Variants in EXO1 observed in about 807,000 individuals in gnomAD.
EXO1 encodes the protein exonuclease 1.
A neutral mutation model predicts 84.5 loss-of-function variants in EXO1; 69 were observed. The ratio of observed to expected loss-of-function variants is 0.82; its 90% confidence interval spans 0.67 to 1.00. The LOEUF is 1.00. EXO1 is among the 50% of genes least tolerant of loss of function. EXO1 has a pLI of 0.00. For synonymous variants in EXO1, 373 were observed against 366.1 expected (o/e 1.02, Z -0.21); for missense variants, 1,045 against 1,000.7 (o/e 1.04, Z -0.60).
At chr1:241,875,766 T>C (rs765137209) in intron 12 of EXO1, among the ~76,000 whole-genome samples, 1 of 152,136 alleles carries the variant, frequency 6.6e-6, no homozygotes, top group Non-Finnish European at 1.5e-5. Flanking sequence ...TAGTCCCAGC[T>C]GTTTGGGAGG....
In EXO1 at chr1:241,857,436, C is replaced by G. The variant is rs1431401922; in HGVS notation, c.497C>G (p.Ala166Gly). The change falls in exon 7 of 16, where the codon GCC becomes GGC. Residue 166 changes from alanine to glycine, a missense_variant. Coordinates refer to ENST00000366548, the MANE Select transcript of EXO1 (RefSeq NM_130398.4). ...AYLNKAGIVQ[A>G]IITEDSDLLA... ...CTTAACAAAGCGGGAATTGTGCAAG[C>G]CATAATTACAGAGGACTCGGATCTC... 6.2e-7 allele frequency: 1 copy of G among 1,613,736 alleles called. No homozygotes were observed. The highest frequency in any genetic ancestry group is 8.5e-7 in the Non-Finnish European group (1 of 1,179,904).
At chr1:241,857,571 T>C (rs945834542) in intron 7 of EXO1, 89 bp downstream of exon 7, 16 of 574,866 alleles carry the variant, frequency 2.8e-5, no homozygotes, top group Admixed American at 1.4e-4. Context: ...CAGGAAATTA[T>C]GATAATTTAT....
At position 241,885,637 on chromosome 1, in the gene EXO1, T is replaced by C. The variant is rs553542221; in HGVS notation, c.2405+130T>C. 8.7e-5 allele frequency: 67 copies of C among 771,378 alleles called. 1 individual carries two copies. In the African/African-American group the frequency reaches 1.1e-3, roughly 12 times the overall value. 47.8% of individuals were successfully genotyped at this position (771,378 alleles called of 1,614,324 possible). On this transcript the variant is annotated intron_variant, in intron 15 of 15. Transcript: ENST00000366548. ...TCTCACTATAAAATAATTATTTTTCTCTCTTCCCTTTAGCTAACTCTTTAT... is the reference window on the plus strand; with the variant it reads ...TCTCACTATAAAATAATTATTTTTCCCTCTTCCCTTTAGCTAACTCTTTAT...
At chr1:241,883,918 AT>A (rs1300089040) in intron 14 of EXO1, among the ~76,000 whole-genome samples, 1 of 152,142 alleles carries the variant, frequency 6.6e-6, no homozygotes, top group African/African-American at 2.4e-5. Context: ...TCATATTATT[AT>A]TATTATTCTC....
chr1:241,876,203 C>T (rs148939980), intron 12 of EXO1, among the ~76,000 whole-genome samples: 1 of 152,354 alleles, frequency 6.6e-6, no homozygotes, highest in African/African-American at 2.4e-5. Context: ...AATTTGTTTT[C>T]TCTGTCAGCT....
chr1:241,884,590 G>A (rs1662939654), intron 14 of EXO1, among the ~76,000 whole-genome samples: 1 of 152,016 alleles, frequency 6.6e-6, no homozygotes, highest in South Asian at 2.1e-4. Context: ...TCATTAAGAG[G>A]AATCAAGATA....
chr1:241,860,732 A>G, intron 9 of EXO1, 28 bp downstream of exon 9: 1 of 1,569,396 alleles, frequency 6.4e-7, no homozygotes, highest in Non-Finnish European at 8.8e-7. Context: ...GAATGGTAGA[A>G]TTTGTGCATT....
chr1:241,853,785 G>A (rs559211716), intron 6 of EXO1, among the ~76,000 whole-genome samples: 2 of 152,252 alleles, frequency 1.3e-5, no homozygotes, highest in South Asian at 2.1e-4. Flanking sequence ...CGCTGAGGCA[G>A]GAGGGTCATT....
At chr1:241,872,363 T>C (rs1187897417) in intron 12 of EXO1, 85 bp downstream of exon 12, 20 of 1,425,686 alleles carry the variant, frequency 1.4e-5, no homozygotes, top group Non-Finnish European at 2.0e-5. Flanking sequence ...AGAATTAATT[T>C]ATTTATTATA....
At chr1:241,874,172 G>T (rs1024678459) in intron 12 of EXO1, among the ~76,000 whole-genome samples, 2 of 152,222 alleles carry the variant, frequency 1.3e-5, no homozygotes, top group East Asian at 3.9e-4. Context: ...GGCCAAGTGG[G>T]TGGATCACCT....
In EXO1 at chr1:241,881,997, G is replaced by A. The variant is rs1440038846; in HGVS notation, c.2191G>A (p.Asp731Asn). 8 of 1,542,648 alleles carry A rather than the reference G, an allele frequency of 5.2e-6. No homozygotes were observed. Among genetic ancestry groups the A allele is most frequent in the South Asian group, 4.5e-5 (4 of 88,406 alleles). ...KLRLSHFSKK[D>N]TPLRNKVPGL... ...ACGTTTATCTCATTTCTCAAAAAAA[G>A]ACACACCTCTAAGGAACAAGGTAAA... Residue 731 changes from aspartate (D) to asparagine (N), a missense_variant, in exon 14 of 16, where the codon GAC (aspartate) becomes AAC (asparagine). Coordinates refer to ENST00000366548, the MANE Select transcript of EXO1 (RefSeq NM_130398.4).
At chr1:241,873,495 C>CT (rs923140206) in intron 12 of EXO1, among the ~76,000 whole-genome samples, 2 of 151,964 alleles carry the variant, frequency 1.3e-5, no homozygotes, top group East Asian at 1.9e-4. Flanking sequence ...CCTTCCCCCT[C>CT]TTTTTTTTCT....
At chr1:241,860,862 A>G (rs938719717) in intron 9 of EXO1, among the ~76,000 whole-genome samples, 158 bp downstream of exon 9, 1 of 152,176 alleles carries the variant, frequency 6.6e-6, no homozygotes, top group African/African-American at 2.4e-5. Context: ...TTACCATGCT[A>G]GTGAAAATTG....
At chr1:241,865,725 T>A (rs2797603) in intron 10 of EXO1, among the ~76,000 whole-genome samples, 1 of 151,848 alleles carries the variant, frequency 6.6e-6, no homozygotes, top group Non-Finnish European at 1.5e-5. Context: ...TTATTTTTAT[T>A]TATCTAAAAT....
rs4149931 is a variant in EXO1 at position 241,862,436 on chromosome 1, G to A, written c.1041+934G>A. 9.4e-3 allele frequency among the ~76,000 whole-genome samples: 1,426 copies of A among 152,064 alleles called. 18 individuals carry two copies. Among genetic ancestry groups the A allele is most frequent in the African/African-American group, 0.033 (1,359 of 41,464 alleles). On this transcript the variant is annotated intron_variant, in intron 10 of 15. Coordinates refer to ENST00000366548, the MANE Select transcript of EXO1 (RefSeq NM_130398.4). ...ATCTCCATCTTTACTCCAGTCTCTC[G>A]CCTGTGCACCAACCACAGAATTCTC...
chr1:241,888,603 CAG>C (rs1574196242), intron 15 of EXO1, among the ~76,000 whole-genome samples: 1 of 152,108 alleles, frequency 6.6e-6, no homozygotes, highest in Admixed American at 6.5e-5. Context: ...TGTTGCTAGA[CAG>C]AAATTAAGGG....
intron 7 of EXO1, among the ~76,000 whole-genome samples, 174 bp from the exon 8 acceptor site, chr1:241,858,332 A>C (rs903124966): frequency 6.6e-5 from 10 of 152,188 alleles, no homozygotes; most frequent in Admixed American, 5.9e-4. Flanking sequence ...GTCATATCCT[A>C]TGCTTCAGCA....
At chr1:241,884,676 T>TGTGTGCGC (rs1247623968) in intron 14 of EXO1, among the ~76,000 whole-genome samples, 2 of 141,532 alleles carry the variant, frequency 1.4e-5, no homozygotes, top group African/African-American at 5.1e-5. Flanking sequence ...TGTGTGTGTG[T>TGTGTGCGC]GCACGTGCAC....
intron 8 of EXO1, 65 bp downstream of exon 8, chr1:241,858,783 C>T: frequency 9.6e-7 from 1 of 1,040,942 alleles, no homozygotes; most frequent in Admixed American, 1.8e-5. Context: ...AATAATAAAT[C>T]ATAATATGGA....
Sources: allele counts gnomAD v4.1 joint callset (sites outside exome capture counted in the v4.1 genomes callset), GRCh38; gene constraint gnomAD v4.1.1; transcripts MANE v1.5; gene names NCBI Gene and HGNC (gene_info 2026-07-23, HGNC 2026-07-21).